RABGEF1: variants seen among roughly 807,000 people sequenced by gnomAD.
RABGEF1 encodes rab5 GDP/GTP exchange factor.
RABGEF1 carries 26 observed loss-of-function variants against 57.3 expected under a neutral mutation model. The ratio of observed to expected loss-of-function variants is 0.45; its 90% CI spans 0.33 to 0.63. The LOEUF (loss-of-function observed/expected upper bound fraction) is 0.63, where lower values mean the gene tolerates loss of function less well. Among genes scored for constraint, RABGEF1 ranks in the 20% least tolerant of loss-of-function variants. The pLI is 0.02. For synonymous variants in RABGEF1, 185 were observed against 210.7 expected, an observed-to-expected ratio of 0.88 and a Z score of 1.06; for missense variants, 464 against 607.6, an observed-to-expected ratio of 0.76 and a Z score of 2.48.
the RABGEF1 span, among the ~76,000 whole-genome samples, chr7:66,662,909 G>A: frequency 1.3e-5 from 2 of 150,638 alleles, no homozygotes. Flanking sequence ...GCATGTGCAA[G>A]GTGTGTGTTT....
chr7:66,776,562 A>G (rs991716662), intron 3 of RABGEF1, among the ~76,000 whole-genome samples: 3 of 152,176 alleles, frequency 2.0e-5, no homozygotes, highest in East Asian at 1.9e-4. Context: ...GCACAGTGGC[A>G]TGTGCCTGTA....
intron 2 of RABGEF1, among the ~76,000 whole-genome samples, chr7:66,734,433 C>T (rs1192069941): frequency 6.6e-6 from 1 of 152,014 alleles, no homozygotes; most frequent in African/African-American, 2.4e-5. Context: ...TCATTCCCTG[C>T]CAGGGTAGTG....
At chr7:66,784,538 C>G (rs192001385) in intron 4 of RABGEF1, among the ~76,000 whole-genome samples, 1 of 152,264 alleles carries the variant, frequency 6.6e-6, no homozygotes. Flanking sequence ...ATTCTATAAC[C>G]ATTAAACTCA....
chr7:66,662,774 C>T, the RABGEF1 span, among the ~76,000 whole-genome samples: 5 of 147,732 alleles, frequency 3.4e-5, no homozygotes, highest in East Asian at 5.9e-4. Context: ...TATGTACAGC[C>T]GTGTGTGCAC....
At chr7:66,706,359 G>A (rs965906706) in intron 1 of RABGEF1, among the ~76,000 whole-genome samples, 14 of 152,216 alleles carry the variant, frequency 9.2e-5, no homozygotes, top group East Asian at 1.9e-4. Context: ...TAGGTCGTAC[G>A]ATAGGTATGT....
chr7:66,745,339 T>C (rs1235946425), intron 1 of RABGEF1, among the ~76,000 whole-genome samples: 1 of 152,212 alleles, frequency 6.6e-6, no homozygotes, highest in Non-Finnish European at 1.5e-5. Context: ...TGGGTTTTTA[T>C]TGGCTGCAGA....
At chr7:66,694,367 G>C (rs191776456) in intron 1 of RABGEF1, among the ~76,000 whole-genome samples, 4 of 152,234 alleles carry the variant, frequency 2.6e-5, no homozygotes, top group Non-Finnish European at 5.9e-5. Flanking sequence ...AGTGATGGTC[G>C]GGAGAAGATG....
intron 2 of RABGEF1, among the ~76,000 whole-genome samples, chr7:66,731,555 GA>G (rs948171044): frequency 2.3e-4 from 34 of 145,702 alleles, no homozygotes; most frequent in African/African-American, 3.5e-4. Flanking sequence ...TGTCTCTCCA[GA>G]AAAAAAAAAA....
intron 1 of RABGEF1, among the ~76,000 whole-genome samples, chr7:66,689,402 G>A (rs973576088): frequency 2.0e-5 from 3 of 151,816 alleles, no homozygotes; most frequent in African/African-American, 7.3e-5. Context: ...GTGATTATAA[G>A]AGAATACTAT....
intron 3 of RABGEF1, among the ~76,000 whole-genome samples, chr7:66,778,523 G>C (rs1404804562): frequency 2.0e-5 from 3 of 152,168 alleles, no homozygotes; most frequent in Admixed American, 1.3e-4. Context: ...CTCCTATAAT[G>C]TTGTCATTCC....
At chr7:66,751,028 T>C (rs1585143689) in intron 1 of RABGEF1, among the ~76,000 whole-genome samples, 1 of 143,442 alleles carries the variant, frequency 7.0e-6, no homozygotes, top group East Asian at 2.1e-4. Context: ...TTCCCTCTTT[T>C]TTTCTTTTTT....
intron 1 of RABGEF1, among the ~76,000 whole-genome samples, chr7:66,754,778 AGTG>A (rs1802306933): frequency 6.6e-6 from 1 of 152,236 alleles, no homozygotes; most frequent in African/African-American, 2.4e-5. Flanking sequence ...TCTCTAAACC[AGTG>A]TGGGCGTGTG....
intron 2 of RABGEF1, among the ~76,000 whole-genome samples, chr7:66,720,951 T>A (rs1226310453): frequency 6.6e-6 from 1 of 152,236 alleles, no homozygotes; most frequent in Non-Finnish European, 1.5e-5. Flanking sequence ...AGAGTCTTAC[T>A]CTGTCGCCCA....
chr7:66,683,488 G>C (rs944346687), intron 1 of RABGEF1, among the ~76,000 whole-genome samples: 2 of 152,196 alleles, frequency 1.3e-5, no homozygotes, highest in African/African-American at 4.8e-5. Flanking sequence ...AAGTTAGCCA[G>C]TTGAGGAGAA....
intron 2 of RABGEF1, among the ~76,000 whole-genome samples, chr7:66,733,862 A>C (rs745539070): frequency 6.6e-6 from 1 of 151,892 alleles, no homozygotes; most frequent in Admixed American, 6.6e-5. Flanking sequence ...AAAATTAGCC[A>C]GGTGTGGTGG....
Position 66,716,971 on chromosome 7 carries a change from G to A in RABGEF1, c.-815+4747G>A, listed in dbSNP as rs982496427. Reference sequence around the variant, plus strand: ...GTTTTGTATTTTTAGTAGAGACGGGGTTTCGCCATGTTGGCCAGGCTAGTC... The same window carrying A: ...GTTTTGTATTTTTAGTAGAGACGGGATTTCGCCATGTTGGCCAGGCTAGTC... On this transcript the variant is annotated intron_variant and NMD_transcript_variant, in intron 2 of 9. Coordinates refer to the RABGEF1 transcript ENST00000607882. Among the ~76,000 whole-genome samples the A allele has an allele frequency of 2.0e-5, 3 of 152,244 alleles. No homozygotes were observed. The East Asian group carries it at 5.8e-4, about 29-fold the overall frequency.
upstream of RABGEF1, among the ~76,000 whole-genome samples, chr7:66,737,854 G>A (rs936530260): frequency 6.6e-6 from 1 of 152,192 alleles, no homozygotes; most frequent in East Asian, 1.9e-4. Context: ...ACAGGTTAGC[G>A]GTGTCAGGAG....
At position 66,809,384 on chromosome 7, in the gene RABGEF1, A is replaced by T; in HGVS notation, c.*100A>T. The stretch of plus-strand genomic sequence containing the variant: ...TAGAATGTAACTAAATTGCTTATAA[A>T]TGTCAGCATTTTTTAAAGGTACAGT... On this transcript the variant is annotated 3_prime_UTR_variant, in exon 9 of 9. Transcript: ENST00000284957. The T allele has an allele frequency of 1.7e-6, 2 of 1,205,506 alleles. No individual in the cohort carries two copies. 74.7% of individuals were successfully genotyped at this position (1,205,506 alleles called of 1,614,324 possible). A position where few individuals can be genotyped will look rare whatever the true frequency, so the allele number is the denominator to read the frequency against.
intron 1 of RABGEF1, among the ~76,000 whole-genome samples, chr7:66,706,779 T>A (rs1389988802): frequency 1.1e-5 from 1 of 92,514 alleles, no homozygotes; most frequent in Non-Finnish European, 2.3e-5. Flanking sequence ...GACATACTGG[T>A]TTTTTTTTTT....
Sources: allele counts gnomAD v4.1 joint callset (sites outside exome capture counted in the v4.1 genomes callset), GRCh38; gene constraint gnomAD v4.1.1; transcripts MANE v1.5; gene names NCBI Gene and HGNC (gene_info 2026-07-23, HGNC 2026-07-21).